SYNPO2: variants seen among roughly 807,000 people sequenced by gnomAD.
SYNPO2 encodes synaptopodin-2.
SYNPO2 carries 56 observed loss-of-function variants against 85.0 expected under a neutral mutation model. The observed-to-expected ratio is 0.66, with a 90% CI of 0.53 to 0.82. SYNPO2 has a LOEUF of 0.82. Among genes scored for constraint, SYNPO2 ranks in the 40% least tolerant of loss-of-function variants. The probability of loss-of-function intolerance (pLI) is 0.00; values close to 1 mark genes in which losing one functional copy is unlikely to be tolerated. For synonymous variants in SYNPO2, 602 were observed against 591.1 expected (o/e 1.02, Z -0.27); for missense variants, 1,575 against 1,534.2 (o/e 1.03, Z -0.44).
At chr4:118,880,746 C>CAAAAAAAAAAA (rs11348298) in intron 1 of SYNPO2, among the ~76,000 whole-genome samples, 1 of 131,788 alleles carries the variant, frequency 7.6e-6, no homozygotes, top group African/African-American at 3.1e-5. Context: ...GACTCTGTCC[C>CAAAAAAAAAAA]AAAAAAAAAA....
intron 1 of SYNPO2, among the ~76,000 whole-genome samples, chr4:118,948,547 G>T (rs184097725): frequency 6.6e-6 from 1 of 152,284 alleles, no homozygotes; most frequent in African/African-American, 2.4e-5. Flanking sequence ...TTGGCTCACA[G>T]TTCTGCAGGC....
intron 1 of SYNPO2, among the ~76,000 whole-genome samples, chr4:118,896,836 G>T (rs370120971): frequency 6.6e-6 from 1 of 152,110 alleles, no homozygotes; most frequent in Non-Finnish European, 1.5e-5. Context: ...ATGAAAAATT[G>T]TGTCTCTAGA....
rs763925197 is a variant in SYNPO2, at chr4:119,057,698, C to G, written c.3550C>G (p.Pro1184Ala). The G allele has an allele frequency of 6.2e-7, 1 of 1,614,142 alleles. No individual in the cohort carries two copies. The highest frequency in any genetic ancestry group is 8.5e-7 in the Non-Finnish European group (1 of 1,180,040). ...TTGGAATGAAAGACTGTCCTATATT[C>G]CTCAAACCCAGAAGGCCTATATGGG... ...EDWNERLSYI[P>A]QTQKAYMGSC... Residue 1184 changes from proline to alanine, a missense_variant, in exon 5 of 5, where the codon CCT becomes GCT. Transcript: ENST00000307142.
chr4:118,923,009 A>G (rs1483291349), intron 1 of SYNPO2, among the ~76,000 whole-genome samples: 2 of 152,182 alleles, frequency 1.3e-5, no homozygotes, highest in Admixed American at 1.3e-4. Context: ...AAGATAATGA[A>G]TTCCATGGAT....
At position 119,030,433 on chromosome 4, in the gene SYNPO2, G is replaced by A. The variant is rs1738178175; in HGVS notation, c.1658G>A (p.Ser553Asn). 1.2e-6 allele frequency: 2 copies of A among 1,614,170 alleles called. No individual in the cohort carries two copies. Among genetic ancestry groups the A allele is most frequent in the Non-Finnish European group, 1.7e-6 (2 of 1,180,030 alleles). The change falls in exon 4 of 5, where the codon AGC becomes AAC. Residue 553 changes from serine (S) to asparagine (N), a missense_variant. Physicochemically the swap from Ser to Asn is conservative, Grantham distance 46. Transcript: ENST00000307142. ...SVRTQSSVSK[S>N]YIEVSHGLGH... ...AGAACGCAGAGCTCTGTGAGCAAAA[G>A]CTACATCGAGGTGAGTCATGGTCTT...
intron 4 of SYNPO2, among the ~76,000 whole-genome samples, chr4:119,050,228 A>T (rs1439962697): frequency 6.6e-6 from 1 of 152,080 alleles, no homozygotes. Flanking sequence ...GCTACTCAGG[A>T]GGCTGAGGCA....
At chr4:118,917,028 C>G (rs190392425) in intron 1 of SYNPO2, among the ~76,000 whole-genome samples, 1 of 152,118 alleles carries the variant, frequency 6.6e-6, no homozygotes, top group Non-Finnish European at 1.5e-5. Flanking sequence ...AGCCACCGTG[C>G]CCCGCCCTTC....
chr4:118,939,151 A>G (rs977046052), intron 1 of SYNPO2, among the ~76,000 whole-genome samples: 7 of 152,366 alleles, frequency 4.6e-5, no homozygotes, highest in African/African-American at 1.7e-4. Context: ...AACAACAACA[A>G]AGAAGTTTGT....
At chr4:118,977,288 C>A (rs973196686) in intron 1 of SYNPO2, among the ~76,000 whole-genome samples, 1 of 152,252 alleles carries the variant, frequency 6.6e-6, no homozygotes, top group African/African-American at 2.4e-5. Context: ...CAGCCACTGG[C>A]CTGGGTGCTA....
chr4:118,921,259 T>C (rs952877228), intron 1 of SYNPO2, among the ~76,000 whole-genome samples: 2 of 152,150 alleles, frequency 1.3e-5, no homozygotes, highest in African/African-American at 4.8e-5. Flanking sequence ...TAGGATTTCA[T>C]GGTCAGTCCA....
At chr4:118,938,172 T>C (rs1388623000) in intron 1 of SYNPO2, among the ~76,000 whole-genome samples, 3 of 151,882 alleles carry the variant, frequency 2.0e-5, no homozygotes, top group Non-Finnish European at 4.4e-5. Flanking sequence ...GGCGGTAGGC[T>C]GTATAGCCGG....
intron 1 of SYNPO2, among the ~76,000 whole-genome samples, chr4:118,927,735 G>GATAT (rs1336563016): frequency 1.5e-4 from 8 of 55,026 alleles, no homozygotes; most frequent in Admixed American, 3.7e-4. Flanking sequence ...TAGATAGATA[G>GATAT]ATAGATAGAT....
chr4:118,866,376 A>G (rs1469057894), intron 1 of SYNPO2, among the ~76,000 whole-genome samples: 1 of 152,224 alleles, frequency 6.6e-6, no homozygotes, highest in Non-Finnish European at 1.5e-5. Flanking sequence ...CCCTTGGTTG[A>G]GAACGACTGC....
At chr4:118,853,800 A>T (rs549664430) in intron 1 of SYNPO2, among the ~76,000 whole-genome samples, 1 of 152,278 alleles carries the variant, frequency 6.6e-6, no homozygotes, top group Admixed American at 6.5e-5. Context: ...AGAAGCTGCC[A>T]GGCTACCAGG....
intron 4 of SYNPO2, among the ~76,000 whole-genome samples, chr4:119,046,648 T>C (rs2149198858): frequency 6.6e-6 from 1 of 152,360 alleles, no homozygotes; most frequent in East Asian, 1.9e-4. Flanking sequence ...TGGCATTCCA[T>C]TTATAAACAC....
chr4:118,963,193 G>A (rs1276539876), intron 1 of SYNPO2, among the ~76,000 whole-genome samples: 1 of 152,164 alleles, frequency 6.6e-6, no homozygotes, highest in Admixed American at 6.5e-5. Flanking sequence ...GGCACCCTAG[G>A]CAAGTGTCTA....
intron 2 of SYNPO2, among the ~76,000 whole-genome samples, chr4:119,025,789 T>A (rs1484390546): frequency 6.6e-6 from 1 of 152,234 alleles, no homozygotes; most frequent in African/African-American, 2.4e-5. Context: ...CAGTTTAAAT[T>A]AGAGTTTCAG....
intron 1 of SYNPO2, among the ~76,000 whole-genome samples, chr4:118,950,069 A>G (rs556135444): frequency 4.8e-5 from 7 of 146,786 alleles, no homozygotes; most frequent in Non-Finnish European, 9.0e-5. Flanking sequence ...AAAAGATGAC[A>G]TTCTGTTAAA....
In SYNPO2 at chr4:119,030,831, G is replaced by GA; in HGVS notation, c.2057dup (p.Ala687GlyfsTer14). ...AGCAAAAAGAACAGGAATATTGCAG[G>GA]AGGCCAAAAGGAGAAGCACGACAAA... On this transcript the variant is annotated frameshift_variant, in exon 4 of 5. Transcript: ENST00000307142. LOFTEE classifies it high-confidence loss of function. 1 of 1,614,136 alleles carries GA rather than the reference G, an allele frequency of 6.2e-7. No individual in the cohort carries two copies. The highest frequency in any genetic ancestry group is 1.7e-5 in the Admixed American group (1 of 60,016).
Sources: gnomAD v4.1 joint callset for allele counts (sites outside exome capture counted in the v4.1 genomes callset) on GRCh38, gnomAD v4.1.1 for gene constraint, MANE v1.5 for transcripts, NCBI Gene and HGNC (gene_info 2026-07-23, HGNC 2026-07-21) for gene names.